CCDC88A: variants seen among roughly 807,000 people sequenced by gnomAD.
CCDC88A encodes girdin.
In CCDC88A, 54 loss-of-function variants were observed where a neutral mutation model predicts 234.3. The observed-to-expected ratio is 0.23, with a 90% CI of 0.19 to 0.29. The LOEUF (loss-of-function observed/expected upper bound fraction) is 0.29. Ranked by LOEUF, CCDC88A falls within the 10% of genes least tolerant of loss-of-function variation. The pLI, the probability that CCDC88A is intolerant of heterozygous loss-of-function variation, is 1.00. For synonymous variants in CCDC88A, 753 were observed against 737.8 expected, an observed-to-expected ratio of 1.02 and a Z score of -0.33; for missense variants, 1,832 against 2,123.4, an observed-to-expected ratio of 0.86 and a Z score of 2.70.
rs746079795 is a variant in CCDC88A, at chr2:55,374,889, A to T, written c.274-6T>A. The T allele has an allele frequency of 1.3e-6, 2 of 1,590,114 alleles. No homozygotes were observed. The highest frequency in any genetic ancestry group is 3.3e-5 in the Admixed American group (2 of 59,934). ...ATCAATTGCTGCAAAGTCTCCTGTA[A>T]AAAAATATCCAACACTTGTTATATG... On this transcript the variant is annotated splice_region_variant and splice_polypyrimidine_tract_variant and intron_variant, in intron 3 of 32. Transcript: ENST00000436346.
intron 4 of CCDC88A, among the ~76,000 whole-genome samples, chr2:55,372,963 A>C (rs535990753): frequency 6.6e-6 from 1 of 152,294 alleles, no homozygotes; most frequent in East Asian, 1.9e-4. Context: ...TATAAAATTT[A>C]AATGGTTTTC....
At chr2:55,368,606 G>A (rs1386804303) in intron 5 of CCDC88A, among the ~76,000 whole-genome samples, 3 of 151,888 alleles carry the variant, frequency 2.0e-5, no homozygotes, top group Non-Finnish European at 4.4e-5. Context: ...TTACAGGCAT[G>A]ACCCACTGCA....
At chr2:55,322,855 C>A in intron 17 of CCDC88A, 163 bp from the exon 18 acceptor site, 1 of 425,266 alleles carries the variant, frequency 2.4e-6, no homozygotes, top group East Asian at 3.5e-5. Context: ...AATGTAAATC[C>A]TTTCCTCCTA....
Position 55,289,660 on chromosome 2 carries a change from A to G in CCDC88A, c.*1540T>C, listed in dbSNP as rs1161361536. On this transcript the variant is annotated 3_prime_UTR_variant, in exon 33 of 33. Coordinates refer to ENST00000436346, the MANE Select transcript of CCDC88A (RefSeq NM_001365480.1). ...TACGTAAGTAAGCTCAAGTTCTCTA[A>G]GTTCCATTTCAATTTAAACATGCTC... 1 of 152,130 alleles carries G rather than the reference A, an allele frequency of 6.6e-6. No individual in the cohort carries two copies. Among genetic ancestry groups the G allele is most frequent in the African/African-American group, 2.4e-5 (1 of 41,436 alleles). The allele number at this position is 152,130 out of a possible 1,614,324, so 9.4% of individuals were successfully genotyped here. A position where few individuals can be genotyped will look rare whatever the true frequency, so the allele number is the denominator to read the frequency against.
chr2:55,347,891 T>C (rs1669370517), intron 9 of CCDC88A, among the ~76,000 whole-genome samples: 1 of 151,544 alleles, frequency 6.6e-6, no homozygotes, highest in African/African-American at 2.4e-5. Context: ...GGATTACATG[T>C]ATAAGCCACC....
chr2:55,397,510 TATCCAA>T (rs1677828953), intron 2 of CCDC88A: 1 of 152,162 alleles, frequency 6.6e-6, no homozygotes, highest in Admixed American at 6.5e-5. Flanking sequence ...TAATTTGGAT[TATCCAA>T]ATGCATAATT....
intron 2 of CCDC88A, among the ~76,000 whole-genome samples, chr2:55,411,923 T>C (rs1680566294): frequency 6.6e-6 from 1 of 151,524 alleles, no homozygotes. Flanking sequence ...AAAGGAGATA[T>C]AACATCGGTG....
intron 2 of CCDC88A, among the ~76,000 whole-genome samples, chr2:55,389,112 A>T (rs1324415807): frequency 6.6e-6 from 1 of 152,218 alleles, no homozygotes; most frequent in Non-Finnish European, 1.5e-5. Context: ...TTAATTTCAA[A>T]CCTAAGTCAG....
chr2:55,393,500 G>C (rs1005041050), intron 2 of CCDC88A, among the ~76,000 whole-genome samples: 22 of 151,394 alleles, frequency 1.5e-4, no homozygotes, highest in Admixed American at 1.5e-3. Context: ...CACTATATTG[G>C]CCAGAATGAT....
chr2:55,391,508 A>T (rs1021319767), intron 2 of CCDC88A, among the ~76,000 whole-genome samples: 7 of 152,240 alleles, frequency 4.6e-5, no homozygotes, highest in Admixed American at 1.3e-4. Flanking sequence ...ATAACAGACA[A>T]GGACTTTCTA....
chr2:55,406,616 G>T (rs559175875), intron 2 of CCDC88A, among the ~76,000 whole-genome samples: 95 of 152,000 alleles, frequency 6.3e-4, no homozygotes, highest in Non-Finnish European at 1.1e-3. Context: ...ATATTTAGCC[G>T]GGTGTGGTGG....
At chr2:55,409,655 G>A (rs1446791367) in intron 2 of CCDC88A, among the ~76,000 whole-genome samples, 1 of 151,454 alleles carries the variant, frequency 6.6e-6, no homozygotes, top group African/African-American at 2.4e-5. Context: ...TCTGCCCTGA[G>A]TCCAACTCCG....
rs1390940951 is a variant in CCDC88A at position 55,288,323 on chromosome 2, TAAAG to T, written c.*2873_*2876del. On this transcript the variant is annotated 3_prime_UTR_variant, in exon 33 of 33. Coordinates refer to ENST00000436346, the MANE Select transcript of CCDC88A (RefSeq NM_001365480.1). The stretch of plus-strand genomic sequence containing the variant: ...GCTCCTTTTGTATTCATTCAAGACT[TAAAG>T]AAAAAATACATCTCAGGACTAAGTG... 1 of 152,494 alleles carries T rather than the reference TAAAG, an allele frequency of 6.6e-6. No individual in the cohort carries two copies. The highest frequency in any genetic ancestry group is 2.4e-5 in the African/African-American group (1 of 41,420). 9.4% of individuals were successfully genotyped at this position (152,494 alleles called of 1,614,324 possible).
intron 17 of CCDC88A, among the ~76,000 whole-genome samples, chr2:55,327,025 T>A (rs1684351720): frequency 6.6e-6 from 1 of 152,220 alleles, no homozygotes; most frequent in African/African-American, 2.4e-5. Context: ...ACAAGCAGGT[T>A]AATGTGTTTT....
intron 2 of CCDC88A, chr2:55,399,558 G>C (rs970802204): frequency 1.3e-5 from 2 of 150,554 alleles, no homozygotes; most frequent in Non-Finnish European, 2.9e-5. Context: ...GCACTCCAGA[G>C]AACTGAACTG....
intron 12 of CCDC88A, among the ~76,000 whole-genome samples, chr2:55,341,140 CTTTTT>C (rs562623314): frequency 1.5e-4 from 12 of 81,354 alleles, no homozygotes; most frequent in Admixed American, 7.5e-4. Flanking sequence ...GAATTTCTTT[CTTTTT>C]TTTTTTTTTT....
At chr2:55,365,111 T>C (rs3111413) in intron 5 of CCDC88A, among the ~76,000 whole-genome samples, 58,130 of 151,974 alleles carry the variant, frequency 0.38, 11,914 homozygotes, top group East Asian at 0.85. Context: ...AAGTTCTATA[T>C]CTTGTAAACA....
intron 6 of CCDC88A, 73 bp from the exon 7 acceptor site, chr2:55,362,521 A>G: frequency 7.9e-7 from 1 of 1,268,766 alleles, no homozygotes; most frequent in Non-Finnish European, 1.1e-6. Context: ...CTATAGTACA[A>G]TATTAGCCCA....
At chr2:55,357,452 A>C (rs779204413) in intron 7 of CCDC88A, among the ~76,000 whole-genome samples, 6 of 149,856 alleles carry the variant, frequency 4.0e-5, no homozygotes, top group African/African-American at 1.2e-4. Context: ...CATTTTCCTA[A>C]GTCTAAACTT....
Sources: gnomAD v4.1 joint callset for allele counts (sites outside exome capture counted in the v4.1 genomes callset) on GRCh38, gnomAD v4.1.1 for gene constraint, MANE v1.5 for transcripts, NCBI Gene and HGNC (gene_info 2026-07-23, HGNC 2026-07-21) for gene names.